Variants in PLCH2 observed in about 807,000 individuals in gnomAD.
PLCH2 encodes the protein 1-phosphatidylinositol 4,5-bisphosphate phosphodiesterase eta-2.
PLCH2 carries 98 observed loss-of-function variants against 134.7 expected under a neutral mutation model. The ratio of observed to expected loss-of-function variants is 0.73; its 90% confidence interval spans 0.62 to 0.86. The LOEUF (loss-of-function observed/expected upper bound fraction) is 0.86. PLCH2 is among the 40% of genes least tolerant of loss of function. The probability of loss-of-function intolerance (pLI) is 0.00; values close to 1 mark genes in which losing one functional copy is unlikely to be tolerated. For missense variants in PLCH2, 1,994 were observed against 1,986.6 expected (o/e 1.00, Z -0.07); for synonymous variants, 974 against 827.5 (o/e 1.18, Z -3.04).
At chr1:2,476,100 C>T (rs1470566945), upstream of PLCH2, among the ~76,000 whole-genome samples, 1 of 152,236 alleles carries the variant, frequency 6.6e-6, no homozygotes, top group Non-Finnish European at 1.5e-5. Flanking sequence ...CAGGAGGGCC[C>T]TCCCGTTGGT....
At chr1:2,434,318 C>T (rs1639220717) in intron 2 of PLCH2, among the ~76,000 whole-genome samples, 1 of 152,200 alleles carries the variant, frequency 6.6e-6, no homozygotes. Flanking sequence ...GACTCACCTT[C>T]ACAGCCGTTT....
chr1:2,445,601 C>T (rs1002536637), intron 2 of PLCH2, among the ~76,000 whole-genome samples: 1 of 151,634 alleles, frequency 6.6e-6, no homozygotes, highest in Non-Finnish European at 1.5e-5. Context: ...AGGTTGGCAG[C>T]GGCCCCTCCT....
At chr1:2,503,665 G>A in intron 21 of PLCH2, 1 of 682,342 alleles carries the variant, frequency 1.5e-6, no homozygotes. Context: ...CAGCCCCGGT[G>A]TCCCGTGCTG....
In PLCH2 at chr1:2,504,446, AGCCTGG is replaced by A. The variant is rs762304810; in HGVS notation, c.3494_3499del (p.Leu1165_Gly1166del). ...CACTGTCATTGACCTCTCCCTGCCC[AGCCTGG>A]GCCTGGGCCGCAGCCGTGAGAACCT... On this transcript the variant is annotated inframe_deletion, in exon 22 of 22. Coordinates refer to ENST00000378486, the MANE Select transcript of PLCH2 (RefSeq NM_014638.4). 82 of 1,611,692 alleles carry A rather than the reference AGCCTGG, an allele frequency of 5.1e-5. No individual in the cohort carries two copies. Among genetic ancestry groups the A allele is most frequent in the Non-Finnish European group, 6.8e-5 (80 of 1,179,722 alleles).
In PLCH2 at chr1:2,504,011, C is replaced by T; in HGVS notation, c.3049C>T (p.Pro1017Ser). 6.5e-7 allele frequency: 1 copy of T among 1,529,946 alleles called. No homozygotes were observed. Among genetic ancestry groups the T allele is most frequent in the Non-Finnish European group, 8.9e-7 (1 of 1,129,160 alleles). 94.8% of individuals were successfully genotyped at this position (1,529,946 alleles called of 1,614,324 possible). ...GGAGCCCGCCCCAGGCCCTGGTCCC[C>T]CGCCACCAGCGGCTGTCCCCACCAG... ...AEEPAPGPGP[P>S]PPAAVPTSSS... The change falls in exon 22 of 22, where the codon CCG becomes TCG. Residue 1017 changes from proline to serine, a missense_variant. Pro to Ser is a moderately conservative substitution (Grantham distance 74, BLOSUM62 -1). Coordinates refer to ENST00000378486, the MANE Select transcript of PLCH2 (RefSeq NM_014638.4).
At chr1:2,476,030 C>A (rs969755870), upstream of PLCH2, among the ~76,000 whole-genome samples, 3 of 152,220 alleles carry the variant, frequency 2.0e-5, no homozygotes, top group African/African-American at 7.2e-5. Context: ...GAGGCCCACC[C>A]CACACAGGGT....
rs567651821 is a variant in PLCH2 at position 2,498,258 on chromosome 1, C to T, written c.2225-265C>T. 3 of 478,122 alleles carry T rather than the reference C, an allele frequency of 6.3e-6. No homozygotes were observed. Among genetic ancestry groups the T allele is most frequent in the East Asian group, 3.7e-5 (1 of 27,160 alleles). 29.6% of individuals were successfully genotyped at this position (478,122 alleles called of 1,614,324 possible). A position where few individuals can be genotyped will look rare whatever the true frequency, so the allele number is the denominator to read the frequency against. The stretch of plus-strand genomic sequence containing the variant: ...TCATACCCCCAGGGACCCAGACCCA[C>T]CCCCAGAAGCCATGTGACCTCCTCG... On this transcript the variant is annotated intron_variant, in intron 16 of 21. Transcript: ENST00000378486. This position sits in a 1 kb window ranked among gnomAD's most constrained non-coding sequence, Gnocchi z 5.4.
chr1:2,503,167 C>T (rs1643333702), intron 21 of PLCH2: 1 of 626,560 alleles, frequency 1.6e-6, no homozygotes. Context: ...GAAGAACCAG[C>T]TGCTCTTGCT....
At chr1:2,435,337 A>T (rs1639279738) in intron 2 of PLCH2, among the ~76,000 whole-genome samples, 1 of 152,124 alleles carries the variant, frequency 6.6e-6, no homozygotes, top group African/African-American at 2.4e-5. Context: ...GTGTTTCCTC[A>T]GAGAGGATAG....
At position 2,499,690 on chromosome 1, in the gene PLCH2, G is replaced by A. The variant is rs1206942402; in HGVS notation, c.2631G>A (p.Val877=). Reference sequence around the variant, plus strand: ...GGATGGAAGAGGCCTCCATCTTCGTGCATGTGGCTGTCAGTGACATCAGCG... The same window carrying A: ...GGATGGAAGAGGCCTCCATCTTCGTACATGTGGCTGTCAGTGACATCAGCG... ...LEGMEEASIF[V]HVAVSDISGK... is the part of the protein sequence containing the mutation. The change falls in exon 20 of 22, where the codon GTG becomes GTA. Residue 877 remains valine (V), a synonymous_variant. Coordinates refer to ENST00000378486, the MANE Select transcript of PLCH2 (RefSeq NM_014638.4). 6.3e-7 allele frequency: 1 copy of A among 1,596,802 alleles called. No individual in the cohort carries two copies. Among genetic ancestry groups the A allele is most frequent in the East Asian group, 2.3e-5 (1 of 44,076 alleles).
upstream of PLCH2, among the ~76,000 whole-genome samples, chr1:2,472,355 G>A (rs1467298139): frequency 2.0e-5 from 3 of 152,282 alleles, no homozygotes; most frequent in South Asian, 2.1e-4. Context: ...CCTCCCTCCC[G>A]TCCACCCAAG....
intron 4 of PLCH2, among the ~76,000 whole-genome samples, chr1:2,484,011 G>T (rs1328136537): frequency 7.2e-6 from 1 of 139,636 alleles, no homozygotes; most frequent in African/African-American, 2.7e-5. Context: ...CCGTGTGGGG[G>T]GGCGCTGACT....
rs2100520523 is a variant in PLCH2 at position 2,439,720 on chromosome 1, C to G, written c.115+9091C>G. 6.6e-6 allele frequency among the ~76,000 whole-genome samples: 1 copy of G among 152,302 alleles called. No individual in the cohort carries two copies. Among genetic ancestry groups the G allele is most frequent in the African/African-American group, 2.4e-5 (1 of 41,568 alleles). On this transcript the variant is annotated intron_variant, in intron 2 of 3. Transcript: ENST00000609981. This position sits in a 1 kb window ranked among gnomAD's most constrained non-coding sequence, Gnocchi z 4.7. ...GCCATCTGTTCACCTGGGGCTGACA[C>G]TGCCACCCTCGGGGGAGAGTCCCGG...
At chr1:2,471,164 G>C (rs1006286681) in intron 1 of PLCH2, among the ~76,000 whole-genome samples, 4 of 152,336 alleles carry the variant, frequency 2.6e-5, no homozygotes, top group Admixed American at 2.6e-4. Context: ...GCCACCAGCT[G>C]GGGATGGCTG....
intron 2 of PLCH2, among the ~76,000 whole-genome samples, chr1:2,460,027 G>A (rs995288530): frequency 7.2e-5 from 11 of 152,256 alleles, no homozygotes; most frequent in Non-Finnish European, 1.2e-4. Flanking sequence ...TGGGCCAAGC[G>A]CTCTTCTGCT....
Position 2,479,764 on chromosome 1 carries a change from A to C in PLCH2, c.302A>C (p.Glu101Ala). The C allele has an allele frequency of 1.3e-6, 2 of 1,549,434 alleles. No individual in the cohort carries two copies. The highest frequency in any genetic ancestry group is 1.7e-6 in the Non-Finnish European group (2 of 1,145,184). Residue 101 changes from glutamate (E) to alanine (A), a missense_variant, in exon 3 of 22, where the codon GAG becomes GCG. Coordinates refer to ENST00000378486, the MANE Select transcript of PLCH2 (RefSeq NM_014638.4). Reference protein sequence around the residue: ...ISIDSIQEVSEGRQSEVFQRY... With the variant: ...ISIDSIQEVSAGRQSEVFQRY... ...ATCGACTCCATCCAGGAGGTGAGTG[A>C]GGGGCGGCAGTCGGAGGTCTTCCAG...
upstream of PLCH2, among the ~76,000 whole-genome samples, chr1:2,422,968 T>C (rs934904199): frequency 2.6e-5 from 4 of 152,352 alleles, no homozygotes; most frequent in Admixed American, 2.0e-4. Flanking sequence ...ACACGTTTTA[T>C]TAAATATTAT....
the PLCH2 span, among the ~76,000 whole-genome samples, chr1:2,420,211 G>A: frequency 6.6e-6 from 1 of 152,056 alleles, no homozygotes; most frequent in Non-Finnish European, 1.5e-5. Flanking sequence ...TCCTCCCCAA[G>A]ACTTGGATCC....
At chr1:2,429,663 G>C (rs1212723660) in intron 1 of PLCH2, among the ~76,000 whole-genome samples, 5 of 152,200 alleles carry the variant, frequency 3.3e-5, no homozygotes, top group Non-Finnish European at 7.4e-5. Context: ...GGAGACCAAA[G>C]GGGCCTTGAT....
Sources: allele counts gnomAD v4.1 joint callset (sites outside exome capture counted in the v4.1 genomes callset), GRCh38; gene constraint gnomAD v4.1.1; non-coding constraint Gnocchi (gnomAD v3.1); transcripts MANE v1.5; gene names NCBI Gene and HGNC (gene_info 2026-07-23, HGNC 2026-07-21).